The following MECOM variants were observed in gnomAD, a reference collection of about 807,000 sequenced individuals.
MECOM encodes the protein MDS1 and EVI1 complex locus, also known as histone-lysine N-methyltransferase MECOM.
In MECOM, 13 loss-of-function variants were observed where a neutral mutation model predicts 116.3. The ratio of observed to expected loss-of-function variants is 0.11; its 90% CI spans 0.07 to 0.18. The LOEUF (loss-of-function observed/expected upper bound fraction) is 0.18. MECOM is among the 10% of genes least tolerant of loss of function. MECOM has a pLI of 1.00. For missense variants in MECOM, 1,299 were observed against 1,509.0 expected, an observed-to-expected ratio of 0.86 and a Z score of 2.31; for synonymous variants, 528 against 535.2, an observed-to-expected ratio of 0.99 and a Z score of 0.19.
chr3:169,578,011 T>C (rs2109509244), intron 1 of MECOM, among the ~76,000 whole-genome samples: 1 of 152,104 alleles, frequency 6.6e-6, no homozygotes, highest in Non-Finnish European at 1.5e-5. Flanking sequence ...AGGAAAACAA[T>C]CAGAGTTGAT....
intron 2 of MECOM, among the ~76,000 whole-genome samples, chr3:169,320,517 A>C (rs1303390865): frequency 6.6e-6 from 1 of 152,222 alleles, no homozygotes; most frequent in African/African-American, 2.4e-5. Context: ...TTCTAGTCAC[A>C]GATCTAAAGC....
At chr3:169,146,235 A>C (rs1250390943) in intron 2 of MECOM, 3 of 1,147,888 alleles carry the variant, frequency 2.6e-6, no homozygotes, top group Non-Finnish European at 3.3e-6. Context: ...CAATCTAGCC[A>C]AAGGGTCCGA....
intron 2 of MECOM, among the ~76,000 whole-genome samples, chr3:169,220,068 T>C (rs575575809): frequency 6.6e-6 from 1 of 152,028 alleles, no homozygotes; most frequent in Non-Finnish European, 1.5e-5. Context: ...GGCTCATGCC[T>C]GCAATCCCAA....
intron 2 of MECOM, among the ~76,000 whole-genome samples, chr3:169,233,634 CTCGACTG>C (rs1331000151): frequency 6.6e-6 from 1 of 152,140 alleles, no homozygotes; most frequent in Non-Finnish European, 1.5e-5. Context: ...CTAAAGCTCA[CTCGACTG>C]TCTTTTTTAT....
chr3:169,485,877 A>G lies in MECOM; in HGVS notation c.38-104353T>C, dbSNP rs1578235574. ...TATACCATATGTATAGTATATATGTATATATATGTATATATAGTATATATA... is the reference window on the plus strand; with the variant it reads ...TATACCATATGTATAGTATATATGTGTATATATGTATATATAGTATATATA... On this transcript the variant is annotated intron_variant, in intron 1 of 16. Transcript: ENST00000651503. Among the ~76,000 whole-genome samples the G allele has an allele frequency of 1.1e-4, 4 of 37,720 alleles. No individual in the cohort carries two copies. The South Asian group carries it at 4.5e-3, about 43-fold the overall frequency. 24.7% of individuals were successfully genotyped at this position (37,720 alleles called of 152,430 possible).
intron 1 of MECOM, among the ~76,000 whole-genome samples, chr3:169,597,526 A>G (rs778466071): frequency 6.6e-6 from 1 of 152,252 alleles, no homozygotes; most frequent in Non-Finnish European, 1.5e-5. Context: ...TATTCAGCCA[A>G]TATCAGAATG....
intron 1 of MECOM, among the ~76,000 whole-genome samples, chr3:169,483,196 A>ATT (rs757660718): frequency 4.4e-4 from 46 of 104,754 alleles, no homozygotes; most frequent in South Asian, 1.8e-3. Context: ...TTTTATTTTT[A>ATT]TTTTTATTTT....
chr3:169,373,230 T>C (rs937597593), intron 2 of MECOM, among the ~76,000 whole-genome samples: 2 of 152,044 alleles, frequency 1.3e-5, no homozygotes, highest in African/African-American at 4.8e-5. Flanking sequence ...AAAGTTTCTC[T>C]TGGTTGGATA....
chr3:169,233,781 A>C (rs1422712961), intron 2 of MECOM, among the ~76,000 whole-genome samples: 1 of 152,128 alleles, frequency 6.6e-6, no homozygotes, highest in Non-Finnish European at 1.5e-5. Context: ...TTTATTCCAT[A>C]CTACAGTACT....
intron 2 of MECOM, among the ~76,000 whole-genome samples, chr3:169,170,403 CAAAAAAAAAAA>C (rs71634426): frequency 2.7e-5 from 2 of 74,366 alleles, no homozygotes; most frequent in African/African-American, 5.0e-5. Flanking sequence ...AAGACTCTGT[CAAAAAAAAAAA>C]AAAAAAAAAA....
chr3:169,312,409 C>T (rs1021320342), intron 2 of MECOM, among the ~76,000 whole-genome samples: 3 of 144,566 alleles, frequency 2.1e-5, no homozygotes, highest in African/African-American at 7.8e-5. Flanking sequence ...CACTCTGTCG[C>T]CCAGGCTGGA....
At chr3:169,421,224 A>C (rs76507774) in intron 1 of MECOM, among the ~76,000 whole-genome samples, 4,790 of 152,256 alleles carry the variant, frequency 0.031, 183 homozygotes, top group African/African-American at 0.088. Context: ...TGGCTTTTAA[A>C]TGTTGATCAT....
chr3:169,399,860 T>G (rs1735596805), intron 1 of MECOM, among the ~76,000 whole-genome samples: 1 of 152,200 alleles, frequency 6.6e-6, no homozygotes, highest in South Asian at 2.1e-4. Flanking sequence ...GAAGAATTAA[T>G]AAGACAAATA....
chr3:169,592,797 A>G (rs1359652277), intron 1 of MECOM, among the ~76,000 whole-genome samples: 1 of 152,154 alleles, frequency 6.6e-6, no homozygotes, highest in East Asian at 1.9e-4. Context: ...CATTTTCCAC[A>G]ATTACATGTA....
At chr3:169,464,077 C>G (rs1466346799) in intron 1 of MECOM, 2 of 152,204 alleles carry the variant, frequency 1.3e-5, no homozygotes, top group Non-Finnish European at 2.9e-5. Flanking sequence ...GCCAAAGAAC[C>G]CTTGAGAGCA....
chr3:169,366,349 C>T (rs758593411), intron 2 of MECOM, among the ~76,000 whole-genome samples: 8 of 151,892 alleles, frequency 5.3e-5, no homozygotes, highest in Non-Finnish European at 8.8e-5. Context: ...AAACCAGGTC[C>T]AGGATTTCCT....
rs536559185 is a variant in MECOM, at chr3:169,418,638, AC to A, written c.38-37115del. On this transcript the variant is annotated intron_variant, in intron 1 of 16. Transcript: ENST00000651503. ...ATCCATCACATAAACATAACCAATG[AC>A]AAAAACCACATGATTATCTCAATAG... is the stretch of plus-strand genomic sequence containing the variant. Among the ~76,000 whole-genome samples the A allele has an allele frequency of 7.7e-3, 1,168 of 152,334 alleles. 6 individuals carry two copies. Among genetic ancestry groups the A allele is most frequent in the Middle Eastern group, 0.02 (6 of 294 alleles).
intron 1 of MECOM, among the ~76,000 whole-genome samples, chr3:169,622,141 G>A (rs1400405887): frequency 6.6e-6 from 1 of 152,178 alleles, no homozygotes; most frequent in African/African-American, 2.4e-5. Flanking sequence ...CCATGCTGGA[G>A]TGCAGTGGTG....
rs184555888 is a variant in MECOM at position 169,532,396 on chromosome 3, C to A, written c.37+130940G>T. Among the ~76,000 whole-genome samples the A allele has an allele frequency of 1.8e-4, 27 of 152,264 alleles. 1 individual carries two copies. In the East Asian group the frequency reaches 4.8e-3, roughly 27 times the overall value. ...AAATCTCTAACCTAGAATGGTGATG[C>A]TAAGCTACTGGGTGTCAATTGCTAA... On this transcript the variant is annotated intron_variant, in intron 1 of 16. Transcript: ENST00000651503.
Sources: allele counts gnomAD v4.1 joint callset (sites outside exome capture counted in the v4.1 genomes callset), GRCh38; gene constraint gnomAD v4.1.1; transcripts MANE v1.5; gene names NCBI Gene and HGNC (gene_info 2026-07-23, HGNC 2026-07-21).